The following KCNIP1 variants were observed in gnomAD, a reference collection of about 807,000 sequenced individuals.
KCNIP1 encodes A-type potassium channel modulatory protein KCNIP1.
Under a neutral mutation model 33.0 loss-of-function variants are expected in KCNIP1, and 18 were observed. The ratio of observed to expected loss-of-function variants is 0.55; its 90% CI spans 0.38 to 0.81. KCNIP1 has a LOEUF of 0.81. Among genes scored for constraint, KCNIP1 ranks in the 30% least tolerant of loss-of-function variants. The pLI, the probability that KCNIP1 is intolerant of heterozygous loss-of-function variation, is 0.00. For synonymous variants in KCNIP1, 93 were observed against 98.3 expected (o/e 0.95, Z 0.32); for missense variants, 238 against 271.6 (o/e 0.88, Z 0.87).
intron 1 of KCNIP1, among the ~76,000 whole-genome samples, chr5:170,690,180 TTC>T (rs1239985164): frequency 1.3e-5 from 2 of 152,156 alleles, no homozygotes; most frequent in Non-Finnish European, 2.9e-5. Context: ...GCAGGGATTT[TTC>T]TCCAAAGCTT....
chr5:170,631,170 G>C (rs1409327175), intron 1 of KCNIP1, among the ~76,000 whole-genome samples: 1 of 152,198 alleles, frequency 6.6e-6, no homozygotes, highest in Non-Finnish European at 1.5e-5. Flanking sequence ...GTACAAGAGA[G>C]AGAACTTCCA....
At chr5:170,560,792 C>G (rs989204619) in intron 1 of KCNIP1, among the ~76,000 whole-genome samples, 2 of 152,048 alleles carry the variant, frequency 1.3e-5, no homozygotes, top group South Asian at 4.2e-4. Context: ...TGCTTCTGTC[C>G]TATACTGTCT....
At chr5:170,650,587 A>C (rs1761004133) in intron 1 of KCNIP1, among the ~76,000 whole-genome samples, 1 of 152,216 alleles carries the variant, frequency 6.6e-6, no homozygotes, top group Non-Finnish European at 1.5e-5. Context: ...ATTTATAGAC[A>C]ATTCCAACTT....
chr5:170,692,496 T>C (rs961839879), intron 1 of KCNIP1, among the ~76,000 whole-genome samples: 1 of 152,214 alleles, frequency 6.6e-6, no homozygotes, highest in Non-Finnish European at 1.5e-5. Context: ...ATTGCAACAA[T>C]ACATTGCAAC....
chr5:170,654,314 T>G (rs569004380), intron 1 of KCNIP1, among the ~76,000 whole-genome samples: 1 of 152,170 alleles, frequency 6.6e-6, no homozygotes, highest in Non-Finnish European at 1.5e-5. Context: ...TTCAGGGCCA[T>G]GGGGGATGCT....
At chr5:170,383,357 T>C (rs1764329717) in intron 1 of KCNIP1, 1 of 587,090 alleles carries the variant, frequency 1.7e-6, no homozygotes, top group African/African-American at 1.9e-5. Context: ...GCATCAAGCG[T>C]GGCACTTTAT....
chr5:170,659,273 A>G (rs1761386772), intron 1 of KCNIP1, among the ~76,000 whole-genome samples: 4 of 152,090 alleles, frequency 2.6e-5, no homozygotes, highest in Admixed American at 2.6e-4. Flanking sequence ...GGTTAAAATT[A>G]CCTTCCATTC....
intron 1 of KCNIP1, among the ~76,000 whole-genome samples, chr5:170,660,981 G>T (rs990913168): frequency 6.6e-6 from 1 of 152,264 alleles, no homozygotes; most frequent in African/African-American, 2.4e-5. Flanking sequence ...GACTGGAAGG[G>T]TGAGGAAGGA....
chr5:170,523,049 T>A (rs181604535), intron 1 of KCNIP1, among the ~76,000 whole-genome samples: 149 of 152,290 alleles, frequency 9.8e-4, no homozygotes, highest in African/African-American at 3.5e-3. Flanking sequence ...TCCGAGTTGA[T>A]AGATTTTTTT....
intron 1 of KCNIP1, among the ~76,000 whole-genome samples, chr5:170,410,351 C>T (rs775362079): frequency 1.1e-4 from 15 of 138,472 alleles, no homozygotes; most frequent in Non-Finnish European, 2.2e-4. Context: ...CTCAGGAGAT[C>T]GCAGACACAG....
chr5:170,581,245 C>T (rs970880657), intron 1 of KCNIP1, among the ~76,000 whole-genome samples: 1 of 152,308 alleles, frequency 6.6e-6, no homozygotes, highest in Middle Eastern at 3.4e-3. Flanking sequence ...GACACCGAGG[C>T]CTGCAGACAG....
intron 1 of KCNIP1, among the ~76,000 whole-genome samples, chr5:170,481,049 T>C (rs976438448): frequency 1.3e-5 from 2 of 152,210 alleles, no homozygotes; most frequent in African/African-American, 2.4e-5. Context: ...TACATCAACT[T>C]TTCTCTTCAT....
intron 1 of KCNIP1, among the ~76,000 whole-genome samples, chr5:170,405,538 G>A (rs1178149475): frequency 6.6e-6 from 1 of 152,176 alleles, no homozygotes; most frequent in Non-Finnish European, 1.5e-5. Context: ...CCTGGACTCA[G>A]GCATCCTTGC....
intron 1 of KCNIP1, among the ~76,000 whole-genome samples, chr5:170,593,852 C>T (rs939588994): frequency 3.3e-5 from 5 of 152,130 alleles, no homozygotes; most frequent in African/African-American, 1.2e-4. Context: ...TGGGGGCCTT[C>T]CCTTCCCAGC....
At chr5:170,679,581 C>T (rs114953072) in intron 1 of KCNIP1, among the ~76,000 whole-genome samples, 2,055 of 151,482 alleles carry the variant, frequency 0.014, 41 homozygotes, top group African/African-American at 0.046. Context: ...AACTAAAATG[C>T]TCAATTATTA....
chr5:170,594,317 C>A (rs1379354577), intron 1 of KCNIP1, among the ~76,000 whole-genome samples: 1 of 152,136 alleles, frequency 6.6e-6, no homozygotes, highest in East Asian at 1.9e-4. Flanking sequence ...TTGGACACCT[C>A]AGGAAGTGTC....
At position 170,720,169 on chromosome 5, in the gene KCNIP1, C is replaced by T. The variant is rs1388047593; in HGVS notation, c.187-152C>T. 44 of 627,358 alleles carry T rather than the reference C, an allele frequency of 7.0e-5. No homozygotes were observed. In the South Asian group the frequency reaches 7.3e-4, roughly 10 times the overall value. 38.9% of individuals were successfully genotyped at this position (627,358 alleles called of 1,614,324 possible). A position where few individuals can be genotyped will look rare whatever the true frequency, so the allele number is the denominator to read the frequency against. ...GTCTCATCATTTTGCAAAGCAGCTC[C>T]AGTCCTGAGATGGCACTACTTGGGA... On this transcript the variant is annotated intron_variant, in intron 2 of 7. Transcript: ENST00000328939.
chr5:170,537,849 T>C (rs550185814), intron 1 of KCNIP1, among the ~76,000 whole-genome samples: 1 of 152,372 alleles, frequency 6.6e-6, no homozygotes, highest in South Asian at 2.1e-4. Flanking sequence ...CCTACACCAC[T>C]GTACACAGTC....
At chr5:170,729,944 A>G (rs568752031) in intron 5 of KCNIP1, among the ~76,000 whole-genome samples, 1 of 152,232 alleles carries the variant, frequency 6.6e-6, no homozygotes, top group Admixed American at 6.5e-5. Context: ...ATAGTGCCCC[A>G]GAATGTGATA....
Sources: gnomAD v4.1 joint callset for allele counts (sites outside exome capture counted in the v4.1 genomes callset) on GRCh38, gnomAD v4.1.1 for gene constraint, MANE v1.5 for transcripts, NCBI Gene and HGNC (gene_info 2026-07-23, HGNC 2026-07-21) for gene names.